TMEM45A: variants seen among roughly 807,000 people sequenced by gnomAD.
TMEM45A encodes the protein DNA polymerase-transactivated protein 4.
In TMEM45A, 25 loss-of-function variants were observed where a neutral mutation model predicts 32.0. That is an observed-to-expected ratio of 0.78 (90% CI 0.57 to 1.09). TMEM45A has a LOEUF of 1.09. Among genes scored for constraint, TMEM45A ranks in the 50% least tolerant of loss-of-function variants. TMEM45A has a pLI of 0.00. For missense variants in TMEM45A, 302 were observed against 325.0 expected (o/e 0.93, Z 0.54); for synonymous variants, 122 against 114.8 (o/e 1.06, Z -0.40).
intron 1 of TMEM45A, among the ~76,000 whole-genome samples, chr3:100,510,304 C>T (rs1471748489): frequency 6.6e-6 from 1 of 152,324 alleles, no homozygotes; most frequent in East Asian, 1.9e-4. Flanking sequence ...CAAGTGGGTC[C>T]CTGACCCCTG....
chr3:100,570,344 T>G (rs1174406193), intron 5 of TMEM45A, among the ~76,000 whole-genome samples: 1 of 152,232 alleles, frequency 6.6e-6, no homozygotes, highest in African/African-American at 2.4e-5. Flanking sequence ...TCTTTGTGCC[T>G]CATTGCTGAA....
At chr3:100,512,200 T>C (rs1454904978) in intron 1 of TMEM45A, among the ~76,000 whole-genome samples, 5 of 151,962 alleles carry the variant, frequency 3.3e-5, no homozygotes, top group Non-Finnish European at 5.9e-5. Flanking sequence ...CACACCTATT[T>C]CAAAATTGAC....
chr3:100,494,320 A>G (rs1250598279), intron 1 of TMEM45A, among the ~76,000 whole-genome samples: 2 of 152,184 alleles, frequency 1.3e-5, no homozygotes, highest in Admixed American at 6.5e-5. Flanking sequence ...ATGGGAATTT[A>G]GTACAATAAT....
intron 1 of TMEM45A, among the ~76,000 whole-genome samples, chr3:100,525,863 GA>G (rs1705533513): frequency 6.6e-6 from 1 of 152,162 alleles, no homozygotes; most frequent in African/African-American, 2.4e-5. Context: ...ACTGGCTCTG[GA>G]AGCACTTTTC....
In TMEM45A at chr3:100,577,259, AT is replaced by A; in HGVS notation, c.*248del. Reference sequence around the variant, plus strand: ...ATCATGGTATTCAGGGGCTAGAGTGATTTTTTTCCAGATTATCTAAAGTTGG... The same window carrying A: ...ATCATGGTATTCAGGGGCTAGAGTGATTTTTTCCAGATTATCTAAAGTTGG... On this transcript the variant is annotated 3_prime_UTR_variant, in exon 6 of 6. Transcript: ENST00000323523. The A allele has an allele frequency of 2.0e-5, 7 of 349,788 alleles. No individual in the cohort carries two copies. Among genetic ancestry groups the A allele is most frequent in the East Asian group, 6.5e-5 (1 of 15,328 alleles). The allele number at this position is 349,788 out of a possible 1,614,324, so 21.7% of individuals were successfully genotyped here.
chr3:100,510,159 G>T (rs1306363314), intron 1 of TMEM45A, among the ~76,000 whole-genome samples: 1 of 152,190 alleles, frequency 6.6e-6, no homozygotes, highest in Non-Finnish European at 1.5e-5. Flanking sequence ...CTCCACCTCT[G>T]GGGGCAGGGC....
rs753312840 is a variant in TMEM45A, at chr3:100,555,337, C to T, written c.126C>T (p.Ser42=). 1.2e-6 allele frequency: 2 copies of T among 1,613,890 alleles called. No individual in the cohort carries two copies. Among genetic ancestry groups the T allele is most frequent in the African/African-American group, 1.3e-5 (1 of 75,004 alleles). ...KKQKRTCYLG[S]KTLFYRLEIL... is the part of the protein sequence containing the mutation. Reference sequence around the variant, plus strand: ...AAAAGCGAACCTGCTATCTTGGTTCCAAAACATTATTCTATCGATTGGAAA... The same window carrying T: ...AAAAGCGAACCTGCTATCTTGGTTCTAAAACATTATTCTATCGATTGGAAA... Residue 42 remains serine, a synonymous_variant, in exon 2 of 6, where the codon TCC becomes TCT. Transcript: ENST00000323523.
chr3:100,545,168 T>C (rs1006619279), intron 1 of TMEM45A, among the ~76,000 whole-genome samples: 2 of 152,218 alleles, frequency 1.3e-5, no homozygotes, highest in African/African-American at 2.4e-5. Flanking sequence ...TTTTTCTTCA[T>C]TGTTTTGCTT....
intron 1 of TMEM45A, among the ~76,000 whole-genome samples, chr3:100,515,241 A>G (rs1708240322): frequency 6.6e-6 from 1 of 152,082 alleles, no homozygotes; most frequent in African/African-American, 2.4e-5. Context: ...ATGTCCAACA[A>G]TGATAGACTG....
At chr3:100,499,976 C>A (rs1272739910) in intron 1 of TMEM45A, among the ~76,000 whole-genome samples, 1 of 152,062 alleles carries the variant, frequency 6.6e-6, no homozygotes, top group Non-Finnish European at 1.5e-5. Context: ...TTTTTTAAAA[C>A]TATTTTTACC....
chr3:100,530,073 AATAGT>A (rs1479856934), intron 1 of TMEM45A, among the ~76,000 whole-genome samples: 1 of 152,228 alleles, frequency 6.6e-6, no homozygotes. Flanking sequence ...ATAAAAATAG[AATAGT>A]ATAACATACT....
chr3:100,524,524 T>C (rs1329927881), intron 1 of TMEM45A, among the ~76,000 whole-genome samples: 1 of 152,196 alleles, frequency 6.6e-6, no homozygotes, highest in Non-Finnish European at 1.5e-5. Context: ...CTGCAAGTTT[T>C]ACATTGTCCA....
At chr3:100,529,319 C>G (rs1336243717) in intron 1 of TMEM45A, among the ~76,000 whole-genome samples, 3 of 152,218 alleles carry the variant, frequency 2.0e-5, no homozygotes, top group Admixed American at 1.3e-4. Flanking sequence ...TAGTCCCACA[C>G]TCAGCATAGC....
At position 100,544,435 on chromosome 3, in the gene TMEM45A, G is replaced by A. The variant is rs1435094178; in HGVS notation, c.-3-10774G>A. Among the ~76,000 whole-genome samples the A allele has an allele frequency of 2.6e-5, 4 of 152,122 alleles. No individual in the cohort carries two copies. In the East Asian group the frequency reaches 7.7e-4, roughly 29 times the overall value. On this transcript the variant is annotated intron_variant, in intron 1 of 5. Transcript: ENST00000323523. Reference sequence around the variant, plus strand: ...TATAATTTGATGAGTTTGGGCAAATGTATATGGTTGTCTAATTATTGTCAC... The same window carrying A: ...TATAATTTGATGAGTTTGGGCAAATATATATGGTTGTCTAATTATTGTCAC...
intron 5 of TMEM45A, chr3:100,570,688 C>T (rs1047430850): frequency 6.6e-6 from 1 of 152,330 alleles, no homozygotes; most frequent in African/African-American, 2.4e-5. Flanking sequence ...TGCTCTTCCT[C>T]ATGTCAGCTC....
At chr3:100,495,494 G>A (rs1480937069) in intron 1 of TMEM45A, among the ~76,000 whole-genome samples, 4 of 152,196 alleles carry the variant, frequency 2.6e-5, no homozygotes, top group Non-Finnish European at 4.4e-5. Flanking sequence ...TTGGAAAGGT[G>A]GGAGAGGTGG....
chr3:100,571,054 C>A (rs1706546894), intron 5 of TMEM45A: 1 of 151,964 alleles, frequency 6.6e-6, no homozygotes, highest in African/African-American at 2.4e-5. Flanking sequence ...ACAAAATGTT[C>A]TATTATTGCA....
At chr3:100,522,341 G>A (rs1348028840) in intron 1 of TMEM45A, among the ~76,000 whole-genome samples, 4 of 152,128 alleles carry the variant, frequency 2.6e-5, no homozygotes, top group African/African-American at 9.7e-5. Flanking sequence ...TTGCACCTTT[G>A]TTGACAGTCT....
intron 1 of TMEM45A, among the ~76,000 whole-genome samples, chr3:100,550,019 C>T (rs1706060287): frequency 8.1e-6 from 1 of 123,852 alleles, no homozygotes. Flanking sequence ...AATAATGCCA[C>T]AATAAACACA....
Sources: allele counts gnomAD v4.1 joint callset (sites outside exome capture counted in the v4.1 genomes callset), GRCh38; gene constraint gnomAD v4.1.1; transcripts MANE v1.5; gene names NCBI Gene and HGNC (gene_info 2026-07-23, HGNC 2026-07-21).